The following FLCN variants were observed in gnomAD, a reference collection of about 807,000 sequenced individuals.
FLCN encodes BHD skin lesion fibrofolliculoma protein.
A neutral mutation model predicts 62.5 loss-of-function variants in FLCN; 22 were observed. The ratio of observed to expected loss-of-function variants is 0.35; its 90% confidence interval spans 0.25 to 0.50. The LOEUF is 0.50. Ranked by LOEUF, FLCN falls within the 20% of genes least tolerant of loss-of-function variation. FLCN has a pLI of 0.97. For missense variants in FLCN, 657 were observed against 778.0 expected (o/e 0.84, Z 1.85); for synonymous variants, 319 against 310.0 (o/e 1.03, Z -0.30).
chr17:17,221,710 A>G (rs764386580), intron 7 of FLCN, 82 bp from the exon 8 acceptor site: 15 of 1,465,378 alleles, frequency 1.0e-5, no homozygotes, highest in Admixed American at 7.8e-5. Context: ...TGATCCTACC[A>G]GTTTAAAGAA....
chr17:17,214,903 C>T (rs964174117), intron 13 of FLCN, 82 bp downstream of exon 13: 20 of 1,445,308 alleles, frequency 1.4e-5, no homozygotes, highest in African/African-American at 7.0e-5. Context: ...TCAGTGGCCA[C>T]GGCCCAGCTC....
At chr17:17,236,589 C>T (rs1356561412) in intron 1 of FLCN, among the ~76,000 whole-genome samples, 1 of 152,168 alleles carries the variant, frequency 6.6e-6, no homozygotes, top group Non-Finnish European at 1.5e-5. Flanking sequence ...GGACACGGTG[C>T]TACCCTATTA....
intron 6 of FLCN, among the ~76,000 whole-genome samples, chr17:17,223,659 C>T (rs975321267): frequency 1.3e-5 from 2 of 152,164 alleles, no homozygotes; most frequent in African/African-American, 2.4e-5. Flanking sequence ...ACAAAGACAC[C>T]AGGGGTCTGA....
rs757222242 is a variant in FLCN at position 17,215,058 on chromosome 17, C to T, written c.1465G>A (p.Ala489Thr). 8 of 1,614,168 alleles carry T rather than the reference C, an allele frequency of 5.0e-6. No individual in the cohort carries two copies. The highest frequency in any genetic ancestry group is 6.8e-6 in the Non-Finnish European group (8 of 1,180,030). The change falls in exon 13 of 14, where the codon GCT becomes ACT. Residue 489 changes from alanine to threonine, a missense_variant. Coordinates refer to ENST00000285071, the MANE Select transcript of FLCN (RefSeq NM_144997.7). ...ACAGACAGGTTCTGGTTGGTCAGAG[C>T]CGCTTCAATCTTATTCAGGATGGTG... ...GPTILNKIEA[A>T]LTNQNLSVDV...
chr17:17,214,300 A>G (rs2046839723), intron 13 of FLCN, among the ~76,000 whole-genome samples: 1 of 152,160 alleles, frequency 6.6e-6, no homozygotes, highest in Non-Finnish European at 1.5e-5. Flanking sequence ...GCTTACAAAA[A>G]AAAAAACCCG....
rs149451178 is a variant in FLCN at position 17,214,866 on chromosome 17, C to T, written c.1538+119G>A. The T allele has an allele frequency of 6.8e-3, 7,498 of 1,102,840 alleles. 148 individuals carry two copies. Among genetic ancestry groups the T allele is most frequent in the African/African-American group, 0.056 (3,633 of 64,962 alleles). The allele number at this position is 1,102,840 out of a possible 1,614,324, so 68.3% of individuals were successfully genotyped here. A position where few individuals can be genotyped will look rare whatever the true frequency, so the allele number is the denominator to read the frequency against. ...GGCGGACGTGGAGTTGGAACCCCGC[C>T]CCCAACCTCTTCTCTCGGCTCCTCC... On this transcript the variant is annotated intron_variant, in intron 13 of 13. Transcript: ENST00000285071.
chr17:17,236,421 A>G (rs1186983681), intron 1 of FLCN, among the ~76,000 whole-genome samples: 1 of 152,252 alleles, frequency 6.6e-6, no homozygotes, highest in Non-Finnish European at 1.5e-5. Context: ...ACCTACTTCC[A>G]GCAAGCTCCT....
At position 17,228,022 on chromosome 17, in the gene FLCN, G is replaced by C. The variant is rs1197656765; in HGVS notation, c.116C>G (p.Pro39Arg). 2 of 1,613,858 alleles carry C rather than the reference G, an allele frequency of 1.2e-6. No homozygotes were observed. Among genetic ancestry groups the C allele is most frequent in the South Asian group, 1.1e-5 (1 of 91,086 alleles). ...LPQGDGNEDSPGQGEQAEEEE... is the reference protein window; with the variant it reads ...LPQGDGNEDSRGQGEQAEEEE... ...TTCTTCCGCCTGCTCACCCTGGCCA[G>C]GACTGTCCTCATTCCCATCCCCTTG... is the stretch of plus-strand genomic sequence containing the variant. The change falls in exon 4 of 14, where the codon CCT becomes CGT. Residue 39 changes from proline (P) to arginine (R), a missense_variant. Coordinates refer to ENST00000285071, the MANE Select transcript of FLCN (RefSeq NM_144997.7).
chr17:17,214,855 T>G, intron 13 of FLCN, 130 bp downstream of exon 13: 1 of 983,482 alleles, frequency 1.0e-6, no homozygotes, highest in African/African-American at 1.6e-5. Flanking sequence ...GACGTGGAGT[T>G]GGAACCCCGC....
chr17:17,224,410 A>G (rs1329070111), intron 5 of FLCN: 3 of 528,062 alleles, frequency 5.7e-6, no homozygotes, highest in Admixed American at 3.2e-5. Flanking sequence ...AATAACTCCC[A>G]TGCATATGTC....
chr17:17,226,346 ATC>A, intron 4 of FLCN, 24 bp from the exon 5 acceptor site: 1 of 1,613,966 alleles, frequency 6.2e-7, no homozygotes, highest in African/African-American at 1.3e-5. Context: ...GGAAAAGTAA[ATC>A]TGTTAGTTGG....
chr17:17,227,925 G>T lies in FLCN; in HGVS notation c.213C>A (p.Ser71=), dbSNP rs2145040255. 6.2e-7 allele frequency: 1 copy of T among 1,614,128 alleles called. No homozygotes were observed. Among genetic ancestry groups the T allele is most frequent in the Non-Finnish European group, 8.5e-7 (1 of 1,180,030 alleles). ...CCGACTTTTTGGGCCCCGGGCTGCT[G>T]GACTCGACGCTGGCCCCCTCTGCGG... is the stretch of plus-strand genomic sequence containing the variant. ...HSPAEGASVE[S]SSPGPKKSDM... is the part of the protein sequence containing the mutation. Residue 71 remains serine, a synonymous_variant, in exon 4 of 14, where the codon TCC becomes TCA. Transcript: ENST00000285071.
intron 4 of FLCN, among the ~76,000 whole-genome samples, chr17:17,227,533 G>A (rs911349270): frequency 3.3e-5 from 5 of 152,130 alleles, no homozygotes; most frequent in African/African-American, 9.7e-5. Flanking sequence ...GCCCAACATG[G>A]TGAAACCCCA....
intron 3 of FLCN, chr17:17,228,486 A>C: frequency 3.0e-6 from 1 of 338,138 alleles, no homozygotes; most frequent in Non-Finnish European, 5.7e-6. Context: ...ACTGCAGCCA[A>C]ACCTGGCAAA....
chr17:17,218,569 A>T (rs2046992468), intron 9 of FLCN, among the ~76,000 whole-genome samples: 1 of 151,798 alleles, frequency 6.6e-6, no homozygotes, highest in Non-Finnish European at 1.5e-5. Flanking sequence ...ATTAATAGAG[A>T]TGGGGTTTCA....
rs1010791804 is a variant in FLCN, at chr17:17,226,932, G to A, written c.250-610C>T. ...AGCTGCTCCTACCCCAGGACTGTGC[G>A]GCAGTGCGTCAGCAAGACTCTCCCC... On this transcript the variant is annotated intron_variant, in intron 4 of 13. Transcript: ENST00000285071. Among the ~76,000 whole-genome samples the A allele has an allele frequency of 5.9e-5, 9 of 152,286 alleles. No homozygotes were observed. The East Asian group carries it at 1.2e-3, about 20-fold the overall frequency.
Position 17,213,688 on chromosome 17 carries a change from G to A in FLCN, c.1707C>T (p.Val569=), listed in dbSNP as rs1597573624. 6.8e-6 allele frequency: 11 copies of A among 1,614,188 alleles called. No homozygotes were observed. Among genetic ancestry groups the A allele is most frequent in the Non-Finnish European group, 9.3e-6 (11 of 1,180,032 alleles). ...KTYKSHLMST[V]RSPTASESRN is the part of the protein sequence containing the mutation. The stretch of plus-strand genomic sequence containing the variant: ...GAGACTCCGAGGCTGTGGGGCTGCG[G>A]ACCGTGGACATGAGGTGTGACTTGT... The change falls in exon 14 of 14, where the codon GTC becomes GTT. Residue 569 remains valine (V), a synonymous_variant. Coordinates refer to ENST00000285071, the MANE Select transcript of FLCN (RefSeq NM_144997.7).
At chr17:17,223,853 A>C in intron 6 of FLCN, 69 bp downstream of exon 6, 2 of 1,541,626 alleles carry the variant, frequency 1.3e-6, no homozygotes, top group Non-Finnish European at 1.8e-6. Flanking sequence ...CCAGGCCTCA[A>C]CCTCAGCACA....
intron 8 of FLCN, 168 bp downstream of exon 8, chr17:17,221,369 A>T: frequency 6.2e-7 from 1 of 1,605,598 alleles, no homozygotes; most frequent in Non-Finnish European, 8.5e-7. Flanking sequence ...AATCACAACA[A>T]TCACAACAAT....
Sources: gnomAD v4.1 joint callset for allele counts (sites outside exome capture counted in the v4.1 genomes callset) on GRCh38, gnomAD v4.1.1 for gene constraint, MANE v1.5 for transcripts, NCBI Gene and HGNC (gene_info 2026-07-23, HGNC 2026-07-21) for gene names.